Variants in MAN1A1 observed in about 807,000 individuals in gnomAD.
MAN1A1 encodes mannosidase alpha class 1A member 1.
A neutral mutation model predicts 70.8 loss-of-function variants in MAN1A1; 29 were observed. The observed-to-expected ratio is 0.41, with a 90% CI of 0.31 to 0.56. The LOEUF (loss-of-function observed/expected upper bound fraction) is 0.56. MAN1A1 is among the 20% of genes least tolerant of loss of function. The pLI, the probability that MAN1A1 is intolerant of heterozygous loss-of-function variation, is 0.29. For missense variants in MAN1A1, 747 were observed against 841.3 expected (o/e 0.89, Z 1.39); for synonymous variants, 349 against 330.1 (o/e 1.06, Z -0.62).
At chr6:119,232,372 CAA>C (rs71015028) in intron 6 of MAN1A1, among the ~76,000 whole-genome samples, 4 of 89,374 alleles carry the variant, frequency 4.5e-5, no homozygotes, top group Admixed American at 1.4e-4. Flanking sequence ...GACTCTGTCT[CAA>C]AAAAAAAAAA....
At chr6:119,253,889 G>C (rs768797566) in intron 5 of MAN1A1, among the ~76,000 whole-genome samples, 1 of 152,018 alleles carries the variant, frequency 6.6e-6, no homozygotes, top group Non-Finnish European at 1.5e-5. Flanking sequence ...TCAACCTTTG[G>C]CACAATTACA....
rs1773096760 is a variant in MAN1A1 at position 119,179,729 on chromosome 6, C to T, written c.*90G>A. 1 of 1,248,928 alleles carries T rather than the reference C, an allele frequency of 8.0e-7. No individual in the cohort carries two copies. The highest frequency in any genetic ancestry group is 1.4e-5 in the South Asian group (1 of 73,618). 77.4% of individuals were successfully genotyped at this position (1,248,928 alleles called of 1,614,324 possible). A position where few individuals can be genotyped will look rare whatever the true frequency, so the allele number is the denominator to read the frequency against. On this transcript the variant is annotated 3_prime_UTR_variant, in exon 13 of 13. Transcript: ENST00000368468. ...AGAACTTAATCACAGACCTACTAAT[C>T]AAAGTTCATCATGTGCCTGATTACC... is the stretch of plus-strand genomic sequence containing the variant.
rs531882429 is a variant in MAN1A1 at position 119,294,916 on chromosome 6, A to C, written c.817-4153T>G. 3.9e-5 allele frequency among the ~76,000 whole-genome samples: 6 copies of C among 152,260 alleles called. No individual in the cohort carries two copies. In the South Asian group the frequency reaches 6.2e-4, roughly 16 times the overall value. On this transcript the variant is annotated intron_variant, in intron 4 of 12. Coordinates refer to ENST00000368468, the MANE Select transcript of MAN1A1 (RefSeq NM_005907.4). ...TCTCTATTATTGTCTTGGGTGTTTG[A>C]GATTGATAACTTCCACCTTAGATCT...
At chr6:119,253,263 T>C in intron 5 of MAN1A1, among the ~76,000 whole-genome samples, 1 of 152,120 alleles carries the variant, frequency 6.6e-6, no homozygotes. Flanking sequence ...GCCGGTGAGA[T>C]ACACTACAGC....
At chr6:119,207,083 T>C (rs1216290986) in intron 6 of MAN1A1, among the ~76,000 whole-genome samples, 1 of 152,204 alleles carries the variant, frequency 6.6e-6, no homozygotes, top group Non-Finnish European at 1.5e-5. Context: ...TTCTCTGCCA[T>C]TAATGTGGTG....
intron 5 of MAN1A1, among the ~76,000 whole-genome samples, chr6:119,281,242 C>T (rs1776217917): frequency 6.6e-6 from 1 of 152,226 alleles, no homozygotes; most frequent in Admixed American, 6.5e-5. Context: ...TCCAGTGAGA[C>T]TGGCTGGCTC....
chr6:119,224,847 GGCCGGGT>G (rs1774461222), intron 6 of MAN1A1, among the ~76,000 whole-genome samples: 1 of 152,150 alleles, frequency 6.6e-6, no homozygotes, highest in African/African-American at 2.4e-5. Flanking sequence ...TTGTATCTGG[GGCCGGGT>G]GCAGTGGCTC....
chr6:119,326,271 G>C (rs955081896), intron 2 of MAN1A1, among the ~76,000 whole-genome samples: 1 of 152,204 alleles, frequency 6.6e-6, no homozygotes, highest in Non-Finnish European at 1.5e-5. Context: ...TAAGCAGGCC[G>C]AGCTGTGTCC....
At chr6:119,311,294 TAGG>T (rs1238614099) in intron 2 of MAN1A1, among the ~76,000 whole-genome samples, 6 of 152,236 alleles carry the variant, frequency 3.9e-5, no homozygotes, top group Non-Finnish European at 7.4e-5. Flanking sequence ...AACACATAAA[TAGG>T]AGGGACAAAT....
intron 6 of MAN1A1, among the ~76,000 whole-genome samples, chr6:119,219,319 T>C (rs1774293870): frequency 6.6e-6 from 1 of 152,194 alleles, no homozygotes; most frequent in Non-Finnish European, 1.5e-5. Flanking sequence ...AAAGGTAAAT[T>C]AGGGAATGGG....
intron 5 of MAN1A1, among the ~76,000 whole-genome samples, chr6:119,281,903 A>C (rs1776233746): frequency 1.7e-5 from 1 of 58,544 alleles, no homozygotes; most frequent in African/African-American, 6.5e-5. Flanking sequence ...TAAAAATACA[A>C]AAAAAAAAAT....
intron 6 of MAN1A1, among the ~76,000 whole-genome samples, chr6:119,221,309 C>CACAGATA (rs1394209093): frequency 6.6e-6 from 1 of 152,064 alleles, no homozygotes; most frequent in Non-Finnish European, 1.5e-5. Flanking sequence ...ATTCCCTCTC[C>CACAGATA]ACAGATAACC....
intron 9 of MAN1A1, among the ~76,000 whole-genome samples, chr6:119,191,260 GC>G (rs1430617855): frequency 1.3e-5 from 2 of 152,116 alleles, no homozygotes; most frequent in African/African-American, 4.8e-5. Context: ...AGTCCTTCAA[GC>G]AGATACTTGT....
chr6:119,231,990 T>TGGTTG (rs1483412855), intron 6 of MAN1A1, among the ~76,000 whole-genome samples: 3 of 152,174 alleles, frequency 2.0e-5, no homozygotes, highest in African/African-American at 7.2e-5. Context: ...TAATGAAAGG[T>TGGTTG]GGTTGTATAT....
At chr6:119,250,120 TTC>T (rs1775277552) in intron 5 of MAN1A1, among the ~76,000 whole-genome samples, 1 of 152,158 alleles carries the variant, frequency 6.6e-6, no homozygotes, top group Admixed American at 6.5e-5. Flanking sequence ...TTCTTTCCCT[TTC>T]TCTGCCTTAC....
intron 2 of MAN1A1, among the ~76,000 whole-genome samples, chr6:119,328,048 T>A (rs192429585): frequency 3.1e-4 from 47 of 152,306 alleles, no homozygotes; most frequent in African/African-American, 1.1e-3. Context: ...TTTGGCCTTA[T>A]GAGACTCAGT....
intron 2 of MAN1A1, among the ~76,000 whole-genome samples, chr6:119,316,596 C>T (rs1002027247): frequency 1.3e-5 from 2 of 151,940 alleles, no homozygotes; most frequent in African/African-American, 2.4e-5. Flanking sequence ...TTTTTTAATA[C>T]TTGTAATAAA....
Position 119,178,270 on chromosome 6 carries a change from T to C in MAN1A1, c.*1549A>G, listed in dbSNP as rs546901508. ...CTATTGATAGCTAAGAAAATAATTG[T>C]CTTCAATAATATTAGGTGGAACCAT... is the stretch of plus-strand genomic sequence containing the variant. On this transcript the variant is annotated 3_prime_UTR_variant, in exon 13 of 13. Transcript: ENST00000368468. 5 of 152,178 alleles carry C rather than the reference T, an allele frequency of 3.3e-5. No homozygotes were observed. The South Asian group carries it at 1.0e-3, about 32-fold the overall frequency. 9.4% of individuals were successfully genotyped at this position (152,178 alleles called of 1,614,324 possible).
chr6:119,201,374 T>G, intron 7 of MAN1A1, 27 bp from the exon 8 acceptor site: 1 of 1,525,646 alleles, frequency 6.6e-7, no homozygotes, highest in Non-Finnish European at 9.1e-7. Flanking sequence ...AATGTTACCG[T>G]GAAAATCTAA....
Sources: allele counts gnomAD v4.1 joint callset (sites outside exome capture counted in the v4.1 genomes callset), GRCh38; gene constraint gnomAD v4.1.1; transcripts MANE v1.5; gene names NCBI Gene and HGNC (gene_info 2026-07-23, HGNC 2026-07-21).